The following LYPD6B variants were observed in gnomAD, a reference collection of about 807,000 sequenced individuals.
The protein encoded by LYPD6B is ly6/PLAUR domain-containing protein 6B.
A neutral mutation model predicts 22.8 loss-of-function variants in LYPD6B; 17 were observed. The observed-to-expected ratio is 0.75, with a 90% CI of 0.51 to 1.12. LYPD6B has a LOEUF of 1.12. Among genes scored for constraint, LYPD6B ranks in the 50% most tolerant of loss-of-function variants. The probability of loss-of-function intolerance (pLI) is 0.00; values close to 1 mark genes in which losing one functional copy is unlikely to be tolerated. For missense variants in LYPD6B, 221 were observed against 258.3 expected (o/e 0.86, Z 0.99); for synonymous variants, 106 against 91.6 (o/e 1.16, Z -0.90).
intron 2 of LYPD6B, among the ~76,000 whole-genome samples, chr2:149,156,040 A>G (rs928924687): frequency 6.6e-6 from 1 of 152,124 alleles, no homozygotes; most frequent in African/African-American, 2.4e-5. Flanking sequence ...GGAAATTGTG[A>G]TTGGTTAAGG....
chr2:149,182,059 T>G (rs1377116119), intron 3 of LYPD6B, among the ~76,000 whole-genome samples: 2 of 152,348 alleles, frequency 1.3e-5, no homozygotes, highest in South Asian at 4.1e-4. Context: ...GTGGCGTTAA[T>G]AATATCTCCC....
intron 3 of LYPD6B, among the ~76,000 whole-genome samples, chr2:149,181,279 G>C (rs1691697499): frequency 6.6e-6 from 1 of 152,122 alleles, no homozygotes; most frequent in Admixed American, 6.5e-5. Flanking sequence ...CTGAATCCTG[G>C]AGACGGCGTA....
intron 1 of LYPD6B, among the ~76,000 whole-genome samples, chr2:149,094,920 CT>C (rs140591748): frequency 0.021 from 3,156 of 152,266 alleles, 113 homozygotes; most frequent in African/African-American, 0.072. Context: ...TATCATTATT[CT>C]GGCTTGTCAT....
intron 1 of LYPD6B, among the ~76,000 whole-genome samples, chr2:149,071,348 G>A (rs1373787138): frequency 6.6e-6 from 1 of 152,188 alleles, no homozygotes; most frequent in African/African-American, 2.4e-5. Context: ...TGCATACCAG[G>A]TCAGTCCTGG....
intron 1 of LYPD6B, among the ~76,000 whole-genome samples, chr2:149,113,254 C>A (rs770782314): frequency 2.3e-4 from 35 of 152,066 alleles, no homozygotes; most frequent in Non-Finnish European, 4.6e-4. Flanking sequence ...TTCCCTTTCA[C>A]TTTCAGAGGT....
At chr2:149,185,337 C>T (rs147796732) in intron 3 of LYPD6B, among the ~76,000 whole-genome samples, 1 of 152,298 alleles carries the variant, frequency 6.6e-6, no homozygotes, top group Non-Finnish European at 1.5e-5. Flanking sequence ...CGGTAGGAAG[C>T]AAGAGTTCTA....
chr2:149,205,914 C>T, intron 4 of LYPD6B: 1 of 329,596 alleles, frequency 3.0e-6, no homozygotes, highest in South Asian at 2.9e-5. Context: ...TAAAGATAGG[C>T]AAATATTAGT....
chr2:149,199,131 A>G (rs1693004421), intron 3 of LYPD6B, among the ~76,000 whole-genome samples: 1 of 152,230 alleles, frequency 6.6e-6, no homozygotes, highest in Non-Finnish European at 1.5e-5. Context: ...TGCGGGAAGC[A>G]GGCACCTAAG....
At chr2:149,061,009 T>C (rs1409970285) in intron 1 of LYPD6B, among the ~76,000 whole-genome samples, 1 of 152,190 alleles carries the variant, frequency 6.6e-6, no homozygotes, top group African/African-American at 2.4e-5. Flanking sequence ...AAATGTGTTC[T>C]TTCTCTTGCT....
chr2:149,188,358 G>A (rs1241585663), intron 3 of LYPD6B, among the ~76,000 whole-genome samples: 2 of 152,110 alleles, frequency 1.3e-5, no homozygotes, highest in African/African-American at 4.8e-5. Flanking sequence ...AAACTCTCTT[G>A]TCAAGCCATG....
chr2:149,068,229 T>C (rs1265523087), intron 1 of LYPD6B, among the ~76,000 whole-genome samples: 1 of 152,158 alleles, frequency 6.6e-6, no homozygotes, highest in Non-Finnish European at 1.5e-5. Context: ...ATGCTTTGTT[T>C]TGGAATACAT....
intron 1 of LYPD6B, among the ~76,000 whole-genome samples, chr2:149,053,701 A>G (rs1384399778): frequency 6.6e-6 from 1 of 152,324 alleles, no homozygotes; most frequent in East Asian, 1.9e-4. Flanking sequence ...TTATCACTCC[A>G]AAAAGAAATC....
chr2:149,213,895 G>A (rs775653549), intron 6 of LYPD6B, among the ~76,000 whole-genome samples: 3 of 152,130 alleles, frequency 2.0e-5, no homozygotes, highest in Non-Finnish European at 2.9e-5. Flanking sequence ...CCACTGATAT[G>A]GATGCCTAGA....
chr2:149,065,539 G>C (rs2105336061), intron 1 of LYPD6B, among the ~76,000 whole-genome samples: 1 of 152,280 alleles, frequency 6.6e-6, no homozygotes, highest in African/African-American at 2.4e-5. Context: ...TGCTTCCTGG[G>C]AGAGAACCCG....
chr2:149,040,216 TCTC>T lies in LYPD6B; in HGVS notation c.-67+1416_-67+1418del, dbSNP rs762682454. Among the ~76,000 whole-genome samples the T allele has an allele frequency of 1.1e-3, 148 of 138,270 alleles. 1 individual carries two copies. Among genetic ancestry groups the T allele is most frequent in the Admixed American group, 1.0e-3 (14 of 13,624 alleles). The allele number at this position is 138,270 out of a possible 152,430, so 90.7% of individuals were successfully genotyped here. A position where few individuals can be genotyped will look rare whatever the true frequency, so the allele number is the denominator to read the frequency against. On this transcript the variant is annotated intron_variant, in intron 1 of 6. Coordinates refer to ENST00000409642, the MANE Select transcript of LYPD6B (RefSeq NM_177964.5). ...CAGTCTCTCTCTGTCTCTCTCTCTCTCTCTCTTTTTTTTTTTTTCTTTTGAGAC... is the reference window on the plus strand; with the variant it reads ...CAGTCTCTCTCTGTCTCTCTCTCTCTTCTTTTTTTTTTTTTCTTTTGAGAC...
At chr2:149,122,925 A>G (rs1447136232) in intron 1 of LYPD6B, among the ~76,000 whole-genome samples, 1 of 152,196 alleles carries the variant, frequency 6.6e-6, no homozygotes, top group Non-Finnish European at 1.5e-5. Context: ...CCGTGTCTGC[A>G]TCTACATTAG....
intron 1 of LYPD6B, among the ~76,000 whole-genome samples, chr2:149,097,177 C>A (rs1685942299): frequency 6.6e-6 from 1 of 152,236 alleles, no homozygotes; most frequent in South Asian, 2.1e-4. Context: ...CTGCGCCTGC[C>A]CTGCACCGCC....
intron 3 of LYPD6B, among the ~76,000 whole-genome samples, chr2:149,184,103 A>G (rs1691938842): frequency 1.3e-5 from 2 of 152,066 alleles, no homozygotes; most frequent in African/African-American, 4.8e-5. Flanking sequence ...GAGGCAGGAG[A>G]ATCACTTGAA....
At chr2:149,129,827 G>T (rs1362383627) in intron 1 of LYPD6B, among the ~76,000 whole-genome samples, 1 of 152,208 alleles carries the variant, frequency 6.6e-6, no homozygotes, top group Admixed American at 6.5e-5. Context: ...CTAATTCAAT[G>T]CCTGGTGCAA....
Sources: allele counts gnomAD v4.1 joint callset (sites outside exome capture counted in the v4.1 genomes callset), GRCh38; gene constraint gnomAD v4.1.1; transcripts MANE v1.5; gene names NCBI Gene and HGNC (gene_info 2026-07-23, HGNC 2026-07-21).